SIMC1: variants seen among roughly 807,000 people sequenced by gnomAD.
SIMC1 encodes the protein SUMO interacting motifs containing 1, also known as SUMO-interacting motif-containing protein 1.
A neutral mutation model predicts 82.3 loss-of-function variants in SIMC1; 55 were observed. The observed-to-expected ratio is 0.67, with a 90% confidence interval of 0.54 to 0.84. The LOEUF (loss-of-function observed/expected upper bound fraction) is 0.84. Among genes scored for constraint, SIMC1 ranks in the 40% least tolerant of loss-of-function variants. SIMC1 has a pLI of 0.00. For missense variants in SIMC1, 915 were observed against 1,107.2 expected (o/e 0.83, Z 2.46); for synonymous variants, 353 against 426.3 (o/e 0.83, Z 2.12).
chr5:176,304,690 C>G (rs1477732399), intron 4 of SIMC1, among the ~76,000 whole-genome samples: 1 of 148,296 alleles, frequency 6.7e-6, no homozygotes, highest in African/African-American at 2.5e-5. Context: ...GCTGCCCAGT[C>G]TGGAAAGTGA....
At chr5:176,280,813 T>C (rs1762970388) in intron 1 of SIMC1, among the ~76,000 whole-genome samples, 1 of 152,254 alleles carries the variant, frequency 6.6e-6, no homozygotes, top group Non-Finnish European at 1.5e-5. Flanking sequence ...GTTAGTCTGG[T>C]GGGCTTCCCT....
intron 2 of SIMC1, among the ~76,000 whole-genome samples, chr5:176,293,279 T>A (rs1763659548): frequency 1.4e-5 from 2 of 142,602 alleles, no homozygotes; most frequent in East Asian, 2.2e-4. Context: ...CTATAAAAAA[T>A]TCAAAAATTA....
At chr5:176,292,054 T>C (rs1476464372) in intron 2 of SIMC1, among the ~76,000 whole-genome samples, 1 of 152,142 alleles carries the variant, frequency 6.6e-6, no homozygotes, top group African/African-American at 2.4e-5. Context: ...AGACTCTGTC[T>C]CAAAAAAATA....
intron 4 of SIMC1, among the ~76,000 whole-genome samples, chr5:176,297,332 C>T (rs1437391230): frequency 1.3e-5 from 2 of 151,924 alleles, no homozygotes; most frequent in African/African-American, 4.8e-5. Flanking sequence ...GAAACCCTGT[C>T]TCTACTAAAA....
rs1322339739 is a variant in SIMC1 at position 176,240,391 on chromosome 5, A to G, written c.129+1754A>G. Among the ~76,000 whole-genome samples, 46 of 107,456 alleles carry G rather than the reference A, an allele frequency of 4.3e-4. 1 individual carries two copies. Among genetic ancestry groups the G allele is most frequent in the African/African-American group, 1.5e-3 (44 of 29,224 alleles). 70.5% of individuals were successfully genotyped at this position (107,456 alleles called of 152,430 possible). On this transcript the variant is annotated intron_variant, in intron 1 of 9. Transcript: ENST00000429602. ...CTTCCTTCTTCAGTGGTCAGATGCC[A>G]TGCTTATCTCAGTCTTTTGTGGTCT...
At chr5:176,343,693 G>A (rs988848205) in intron 9 of SIMC1, among the ~76,000 whole-genome samples, 2 of 152,282 alleles carry the variant, frequency 1.3e-5, no homozygotes, top group East Asian at 3.9e-4. Context: ...AAGTACTTCA[G>A]CATGTTCAGC....
intron 5 of SIMC1, among the ~76,000 whole-genome samples, chr5:176,317,020 G>A (rs184877910): frequency 2.6e-5 from 4 of 152,208 alleles, no homozygotes; most frequent in Admixed American, 2.6e-4. Context: ...GCATTTTTGA[G>A]GGGTGTTTGT....
In SIMC1 at chr5:176,295,027, C is replaced by CAGA. The variant is rs780437165; in HGVS notation, c.1432-1_1433dup. On this transcript the variant is annotated splice_region_variant and splice_polypyrimidine_tract_variant and intron_variant, in intron 2 of 9. Transcript: ENST00000429602. ...CTAATTTCCTTCTTTTTAATCTCTA[C>CAGA]AGAACAAGGGTCAAAAATTAGAACC... is the stretch of plus-strand genomic sequence containing the variant. 1.3e-6 allele frequency: 2 copies of CAGA among 1,577,610 alleles called. No homozygotes were observed. Among genetic ancestry groups the CAGA allele is most frequent in the South Asian group, 2.2e-5 (2 of 90,178 alleles).
chr5:176,264,351 G>A (rs1762118470), intron 1 of SIMC1, among the ~76,000 whole-genome samples: 3 of 152,280 alleles, frequency 2.0e-5, no homozygotes, highest in Admixed American at 2.0e-4. Context: ...CTGCCCCTGT[G>A]GCAGGCTTCT....
intron 2 of SIMC1, among the ~76,000 whole-genome samples, chr5:176,291,308 C>T (rs1171120621): frequency 1.0e-4 from 15 of 149,264 alleles, no homozygotes; most frequent in Middle Eastern, 3.4e-3. Flanking sequence ...GGACTACAGG[C>T]GCATGCCGCC....
intron 1 of SIMC1, among the ~76,000 whole-genome samples, chr5:176,278,940 G>A (rs1256760642): frequency 7.9e-5 from 12 of 152,082 alleles, no homozygotes; most frequent in Non-Finnish European, 5.9e-5. Context: ...GCCCGGCTTT[G>A]TTATCAGAAT....
intron 4 of SIMC1, among the ~76,000 whole-genome samples, chr5:176,305,599 C>T (rs1418093992): frequency 3.4e-5 from 5 of 145,098 alleles, no homozygotes; most frequent in African/African-American, 1.3e-4. Flanking sequence ...AGCCCTCCGC[C>T]CGGCCAACCC....
chr5:176,323,440 G>A (rs901281308), intron 6 of SIMC1, among the ~76,000 whole-genome samples: 24 of 152,176 alleles, frequency 1.6e-4, no homozygotes, highest in Non-Finnish European at 2.6e-4. Flanking sequence ...AACAATAGTA[G>A]GTTGCTACCA....
rs535312155 is a variant in SIMC1 at position 176,311,877 on chromosome 5, GAAAGTATAGAAGAT to G, written c.1735-1808_1735-1795del. Among the ~76,000 whole-genome samples, 7 of 152,288 alleles carry G rather than the reference GAAAGTATAGAAGAT, an allele frequency of 4.6e-5. 1 individual carries two copies. The highest frequency in any genetic ancestry group is 1.7e-4 in the African/African-American group (7 of 41,560). On this transcript the variant is annotated intron_variant, in intron 4 of 9. Transcript: ENST00000429602. Reference sequence around the variant, plus strand: ...TTATTAGCCTTGACGATGTAAAACGGAAAGTATAGAAGATAAAGTTTGGGAGATGAAAAGGGACA... The same window carrying G: ...TTATTAGCCTTGACGATGTAAAACGGAAAGTTTGGGAGATGAAAAGGGACA...
intron 1 of SIMC1, among the ~76,000 whole-genome samples, chr5:176,288,129 C>T (rs1763378340): frequency 6.6e-6 from 1 of 152,144 alleles, no homozygotes; most frequent in Non-Finnish European, 1.5e-5. Flanking sequence ...TTAAATAGTC[C>T]AGGCACAGTG....
intron 2 of SIMC1, 50 bp from the exon 3 acceptor site, chr5:176,294,980 A>G (rs766884758): frequency 5.6e-5 from 86 of 1,534,952 alleles, no homozygotes; most frequent in Admixed American, 4.8e-4. Flanking sequence ...AAAAAAAAAA[A>G]AAAAAAGAAA....
intron 1 of SIMC1, among the ~76,000 whole-genome samples, chr5:176,262,819 T>G (rs1439736613): frequency 5.3e-5 from 8 of 151,496 alleles, no homozygotes; most frequent in Non-Finnish European, 1.2e-4. Context: ...AAAGAAAAAG[T>G]ATGTGGATTG....
chr5:176,266,033 A>C (rs1406710751), intron 1 of SIMC1, among the ~76,000 whole-genome samples: 1 of 152,194 alleles, frequency 6.6e-6, no homozygotes, highest in African/African-American at 2.4e-5. Context: ...GACTCTCTCC[A>C]AAATTTGAAG....
At chr5:176,253,214 G>T (rs1053139513) in intron 1 of SIMC1, among the ~76,000 whole-genome samples, 2 of 152,290 alleles carry the variant, frequency 1.3e-5, no homozygotes, top group South Asian at 2.1e-4. Context: ...CTTCTGGTTT[G>T]TAGGGTTTCT....
Sources: gnomAD v4.1 joint callset for allele counts (sites outside exome capture counted in the v4.1 genomes callset) on GRCh38, gnomAD v4.1.1 for gene constraint, MANE v1.5 for transcripts, NCBI Gene and HGNC (gene_info 2026-07-23, HGNC 2026-07-21) for gene names.